CCDC28A: variants seen among roughly 807,000 people sequenced by gnomAD.
The protein encoded by CCDC28A is coiled-coil domain-containing protein 28A.
Under a neutral mutation model 22.1 loss-of-function variants are expected in CCDC28A, and 24 were observed. That is an observed-to-expected ratio of 1.09 (90% CI 0.79 to 1.53). The LOEUF is 1.53. Among genes scored for constraint, CCDC28A ranks in the 40% most tolerant of loss-of-function variants. CCDC28A has a pLI of 0.00. For missense variants in CCDC28A, 170 were observed against 210.7 expected, an observed-to-expected ratio of 0.81 and a Z score of 1.20; for synonymous variants, 83 against 74.7, an observed-to-expected ratio of 1.11 and a Z score of -0.57.
rs773375096 is a variant in CCDC28A, at chr6:138,779,853, G to A, written c.190G>A (p.Gly64Arg). The change falls in exon 3 of 6, where the codon GGA becomes AGA. Residue 64 changes from glycine to arginine, a missense_variant. Physicochemically the swap from Gly to Arg is moderately radical, Grantham distance 125. Transcript: ENST00000617445. ...GAAAGAAAAGACCAAACCTCAGGGTGGAGAGGGCAAAGGCGCTCAGTCAAC... is the reference window on the plus strand; with the variant it reads ...GAAAGAAAAGACCAAACCTCAGGGTAGAGAGGGCAAAGGCGCTCAGTCAAC... ...VMKEKTKPQG[G>R]EGKGAQSTPI... The A allele has an allele frequency of 1.9e-6, 3 of 1,613,460 alleles. No homozygotes were observed. Among genetic ancestry groups the A allele is most frequent in the Non-Finnish European group, 2.5e-6 (3 of 1,179,660 alleles).
intron 5 of CCDC28A, among the ~76,000 whole-genome samples, chr6:138,790,264 C>T (rs929329224): frequency 1.3e-5 from 2 of 152,256 alleles, no homozygotes; most frequent in African/African-American, 4.8e-5. Flanking sequence ...AATTCTCCTG[C>T]CTTAGCCTCC....
At chr6:138,789,420 T>C (rs1583525120) in intron 5 of CCDC28A, among the ~76,000 whole-genome samples, 1 of 152,222 alleles carries the variant, frequency 6.6e-6, no homozygotes, top group African/African-American at 2.4e-5. Flanking sequence ...AATTGCTACA[T>C]GTGATGATGC....
intron 1 of CCDC28A, among the ~76,000 whole-genome samples, chr6:138,774,228 C>T (rs1562437158): frequency 4.6e-5 from 7 of 152,218 alleles, no homozygotes; most frequent in Admixed American, 3.9e-4. Flanking sequence ...CGAGTGCTGG[C>T]TCCGCAGAAT....
At chr6:138,790,030 G>A (rs1387652099) in intron 5 of CCDC28A, among the ~76,000 whole-genome samples, 2 of 152,160 alleles carry the variant, frequency 1.3e-5, no homozygotes, top group African/African-American at 4.8e-5. Context: ...GTTAAAGAAG[G>A]GGGTAAGACT....
chr6:138,780,572 A>G lies in CCDC28A; in HGVS notation c.322+587A>G, dbSNP rs186662000. Among the ~76,000 whole-genome samples the G allele has an allele frequency of 5.0e-3, 624 of 124,190 alleles. 3 individuals are homozygous for G. The highest frequency in any genetic ancestry group is 0.018 in the African/African-American group (573 of 31,046). 81.5% of individuals were successfully genotyped at this position (124,190 alleles called of 152,430 possible). Reference sequence around the variant, plus strand: ...TTTCTAATGATAAGATTATTTCCCAATTTTTTTTTTTTTTTTTTTTGAGAC... The same window carrying G: ...TTTCTAATGATAAGATTATTTCCCAGTTTTTTTTTTTTTTTTTTTTGAGAC... On this transcript the variant is annotated intron_variant, in intron 3 of 5. Transcript: ENST00000617445.
At chr6:138,782,424 ACT>A (rs1165959064) in intron 3 of CCDC28A, among the ~76,000 whole-genome samples, 1 of 149,652 alleles carries the variant, frequency 6.7e-6, no homozygotes, top group Non-Finnish European at 1.5e-5. Context: ...ATATCTGCTG[ACT>A]CATCTTTCAT....
At chr6:138,779,756 C>T in intron 2 of CCDC28A, 66 bp from the exon 3 acceptor site, 1 of 1,274,118 alleles carries the variant, frequency 7.8e-7, no homozygotes, top group Non-Finnish European at 1.1e-6. Context: ...ATTTACTTCA[C>T]TAAAAAATTA....
At chr6:138,778,147 T>C (rs1296371983) in intron 2 of CCDC28A, among the ~76,000 whole-genome samples, 1 of 152,242 alleles carries the variant, frequency 6.6e-6, no homozygotes, top group Non-Finnish European at 1.5e-5. Flanking sequence ...CTCTTTCTTG[T>C]ATCCCCCCCT....
intron 3 of CCDC28A, among the ~76,000 whole-genome samples, chr6:138,784,323 A>G (rs1046763238): frequency 4.7e-5 from 7 of 150,008 alleles, no homozygotes; most frequent in African/African-American, 1.7e-4. Context: ...CATTTTCTCT[A>G]CTTAAGGGAC....
chr6:138,777,245 C>T (rs1374018484), intron 2 of CCDC28A, among the ~76,000 whole-genome samples: 1 of 152,196 alleles, frequency 6.6e-6, no homozygotes, highest in Non-Finnish European at 1.5e-5. Flanking sequence ...GATGAGATTA[C>T]TGCCTTGATG....
At chr6:138,775,858 T>C (rs1339461507) in intron 1 of CCDC28A, among the ~76,000 whole-genome samples, 2 of 150,900 alleles carry the variant, frequency 1.3e-5, no homozygotes. Context: ...ATAAAGAAAA[T>C]GGTAAAACAA....
chr6:138,788,159 C>T (rs921753048), intron 4 of CCDC28A, among the ~76,000 whole-genome samples: 8 of 148,870 alleles, frequency 5.4e-5, no homozygotes, highest in Non-Finnish European at 1.0e-4. Flanking sequence ...GGAGGTCTTA[C>T]CATGTTGTCC....
At chr6:138,792,661 G>C (rs570159801) in intron 5 of CCDC28A, 88 bp from the exon 6 acceptor site, 1 of 818,810 alleles carries the variant, frequency 1.2e-6, no homozygotes, top group African/African-American at 1.7e-5. Flanking sequence ...TTTAAATACC[G>C]CTTTCTCTTT....
chr6:138,790,782 A>G (rs1283236832), intron 5 of CCDC28A, among the ~76,000 whole-genome samples: 1 of 152,234 alleles, frequency 6.6e-6, no homozygotes, highest in Non-Finnish European at 1.5e-5. Context: ...ATTGCTAATC[A>G]GACATGGCAT....
intron 5 of CCDC28A, among the ~76,000 whole-genome samples, chr6:138,791,653 T>C (rs1255204782): frequency 6.6e-6 from 1 of 152,206 alleles, no homozygotes; most frequent in Non-Finnish European, 1.5e-5. Flanking sequence ...TTTGTTCAGG[T>C]TGTACCTCCT....
chr6:138,779,975 T>A lies in CCDC28A; in HGVS notation c.312T>A (p.Leu104=). The A allele has an allele frequency of 1.2e-6, 2 of 1,608,810 alleles. No homozygotes were observed. Among genetic ancestry groups the A allele is most frequent in the Non-Finnish European group, 1.7e-6 (2 of 1,178,054 alleles). Residue 104 remains leucine (L), a synonymous_variant, in exon 3 of 6, where the codon CTT becomes CTA. Transcript: ENST00000617445. ...SLLNDFHSGK[L]QAFGNECSIE... is the part of the protein sequence containing the mutation. Reference sequence around the variant, plus strand: ...TGAATGATTTCCACTCTGGAAAACTTCAAGCATTTGGTAAGCAATAGATGT... The same window carrying A: ...TGAATGATTTCCACTCTGGAAAACTACAAGCATTTGGTAAGCAATAGATGT...
chr6:138,786,224 C>T (rs1775092859), intron 4 of CCDC28A, among the ~76,000 whole-genome samples: 1 of 152,172 alleles, frequency 6.6e-6, no homozygotes, highest in South Asian at 2.1e-4. Flanking sequence ...CCCTGATGAC[C>T]TCATTGTGAC....
In CCDC28A at chr6:138,788,815, C is replaced by A. The variant is rs574091654; in HGVS notation, c.500+427C>A. Among the ~76,000 whole-genome samples the A allele has an allele frequency of 2.5e-3, 373 of 152,056 alleles. 1 individual carries two copies. Among genetic ancestry groups the A allele is most frequent in the African/African-American group, 8.7e-3 (360 of 41,492 alleles). On this transcript the variant is annotated intron_variant, in intron 5 of 5. Transcript: ENST00000617445. ...TTTGTTTCTGGTTTGTTCTGCTTTG[C>A]TTTGTACTGTTCTTGAATTTTTAAG... is the stretch of plus-strand genomic sequence containing the variant.
At chr6:138,780,613 C>T (rs1396126881) in intron 3 of CCDC28A, among the ~76,000 whole-genome samples, 4 of 140,918 alleles carry the variant, frequency 2.8e-5, no homozygotes, top group East Asian at 2.0e-4. Context: ...CTGGCTCTGT[C>T]GCCCAGGCTA....
Sources: gnomAD v4.1 joint callset for allele counts (sites outside exome capture counted in the v4.1 genomes callset) on GRCh38, gnomAD v4.1.1 for gene constraint, MANE v1.5 for transcripts, NCBI Gene and HGNC (gene_info 2026-07-23, HGNC 2026-07-21) for gene names.